Variants in EYS observed in about 807,000 individuals in gnomAD.
The protein encoded by EYS is EGF-like photoreceptor maintenance factor, also known as protein eyes shut homolog.
A neutral mutation model predicts 282.1 loss-of-function variants in EYS; 250 were observed. The observed-to-expected ratio is 0.89, with a 90% CI of 0.80 to 0.98. EYS has a LOEUF of 0.98. Among genes scored for constraint, EYS ranks in the 50% least tolerant of loss-of-function variants. The pLI is 0.00. For missense variants in EYS, 4,016 were observed against 3,709.0 expected (o/e 1.08, Z -2.15); for synonymous variants, 1,355 against 1,282.9 (o/e 1.06, Z -1.20).
At chr6:65,257,765 T>C (rs1178451439) in intron 12 of EYS, among the ~76,000 whole-genome samples, 2 of 152,020 alleles carry the variant, frequency 1.3e-5, no homozygotes, top group African/African-American at 4.8e-5. Context: ...ACTTCACATG[T>C]TCTCACTTAC....
intron 31 of EYS, among the ~76,000 whole-genome samples, chr6:64,222,912 C>G (rs541159132): frequency 6.6e-6 from 1 of 151,512 alleles, no homozygotes; most frequent in South Asian, 2.1e-4. Context: ...ATATTAAGTC[C>G]AAGAAAATTA....
At chr6:64,728,153 G>T (rs1481606303) in intron 22 of EYS, among the ~76,000 whole-genome samples, 1 of 152,060 alleles carries the variant, frequency 6.6e-6, no homozygotes, top group Non-Finnish European at 1.5e-5. Context: ...GCATTGGCAG[G>T]AGCAAAACTT....
chr6:64,262,963 T>G (rs1767637475), intron 30 of EYS, among the ~76,000 whole-genome samples: 1 of 152,084 alleles, frequency 6.6e-6, no homozygotes, highest in Non-Finnish European at 1.5e-5. Context: ...GCTAAAAGCA[T>G]GATTTTTGGA....
chr6:64,095,414 C>A (rs1326151050), intron 31 of EYS, among the ~76,000 whole-genome samples: 1 of 152,046 alleles, frequency 6.6e-6, no homozygotes, highest in Non-Finnish European at 1.5e-5. Context: ...TCTCTAAGGA[C>A]TTGCTTTATG....
intron 2 of EYS, among the ~76,000 whole-genome samples, chr6:65,629,008 T>G (rs990903583): frequency 6.6e-6 from 1 of 152,196 alleles, no homozygotes; most frequent in African/African-American, 2.4e-5. Flanking sequence ...AATTGAGAAA[T>G]GATTTGATCA....
chr6:65,035,880 G>T (rs74371378), intron 13 of EYS, among the ~76,000 whole-genome samples: 16,932 of 145,230 alleles, frequency 0.12, 1,256 homozygotes, highest in East Asian at 0.24. Flanking sequence ...TTAATAATTT[G>T]TTTGTAATAT....
intron 12 of EYS, among the ~76,000 whole-genome samples, chr6:65,125,247 A>G (rs1775685524): frequency 6.6e-6 from 1 of 152,176 alleles, no homozygotes; most frequent in Non-Finnish European, 1.5e-5. Context: ...AATGCTGTAC[A>G]TTTTATTTAC....
intron 26 of EYS, among the ~76,000 whole-genome samples, chr6:64,473,999 C>A (rs1006663143): frequency 6.6e-6 from 1 of 152,136 alleles, no homozygotes; most frequent in Non-Finnish European, 1.5e-5. Context: ...CTTAATTATG[C>A]TCATTAATTA....
intron 5 of EYS, among the ~76,000 whole-genome samples, chr6:65,443,649 G>C (rs201401904): frequency 1.4e-5 from 2 of 144,422 alleles, no homozygotes; most frequent in East Asian, 2.1e-4. Flanking sequence ...ACATATATGT[G>C]TCTATACACA....
intron 22 of EYS, among the ~76,000 whole-genome samples, chr6:64,677,578 A>G (rs1414993388): frequency 1.3e-5 from 2 of 152,164 alleles, no homozygotes; most frequent in African/African-American, 2.4e-5. Context: ...GATGACCTCC[A>G]TATCACTTTA....
chr6:63,756,205 C>T (rs190945007), intron 41 of EYS, among the ~76,000 whole-genome samples: 169 of 152,144 alleles, frequency 1.1e-3, no homozygotes, highest in Middle Eastern at 6.8e-3. Flanking sequence ...TGTCTTGTGC[C>T]GGTTTTCAAA....
At chr6:64,441,514 C>T (rs1327806697) in intron 26 of EYS, among the ~76,000 whole-genome samples, 1 of 152,148 alleles carries the variant, frequency 6.6e-6, no homozygotes, top group African/African-American at 2.4e-5. Context: ...AAAGGAATGG[C>T]TATCAAGAGG....
intron 35 of EYS, among the ~76,000 whole-genome samples, chr6:63,950,996 G>T (rs1364963971): frequency 6.6e-6 from 1 of 152,068 alleles, no homozygotes; most frequent in African/African-American, 2.4e-5. Flanking sequence ...CATTTCAGAG[G>T]TGTCTGATCA....
intron 5 of EYS, among the ~76,000 whole-genome samples, chr6:65,429,844 AC>A (rs1460871644): frequency 3.3e-5 from 5 of 152,208 alleles, no homozygotes; most frequent in East Asian, 1.9e-4. Flanking sequence ...GAGAAGAGAT[AC>A]TTTTAATTAT....
chr6:64,417,974 C>T (rs560738743), intron 28 of EYS, among the ~76,000 whole-genome samples: 13 of 152,232 alleles, frequency 8.5e-5, no homozygotes, highest in South Asian at 4.1e-4. Context: ...GCCTGGCCTA[C>T]GGTCTTGCTA....
intron 26 of EYS, among the ~76,000 whole-genome samples, chr6:64,541,724 T>C (rs966183329): frequency 1.3e-5 from 2 of 152,240 alleles, no homozygotes; most frequent in Admixed American, 1.3e-4. Context: ...ACCATGTGGC[T>C]TACTTCATCC....
intron 31 of EYS, among the ~76,000 whole-genome samples, chr6:64,128,601 A>G (rs771906066): frequency 2.9e-4 from 44 of 152,152 alleles, no homozygotes; most frequent in Non-Finnish European, 5.4e-4. Flanking sequence ...CTAAACTGCA[A>G]GAGAGAAATT....
At chr6:64,100,227 T>C (rs1028147962) in intron 31 of EYS, among the ~76,000 whole-genome samples, 16 of 152,310 alleles carry the variant, frequency 1.1e-4, no homozygotes, top group African/African-American at 3.4e-4. Context: ...ATTTGCTTTG[T>C]CTCTCTCTGC....
rs140766815 is a variant in EYS, at chr6:64,348,758, T to A, written c.6078+39932A>T. ...TTTTCAAAGTCACAAACCTAAGACATGACATGGCAGCACTAGACTCAATTT... is the reference window on the plus strand; with the variant it reads ...TTTTCAAAGTCACAAACCTAAGACAAGACATGGCAGCACTAGACTCAATTT... On this transcript the variant is annotated intron_variant, in intron 29 of 42. Transcript: ENST00000503581. Among the ~76,000 whole-genome samples the A allele has an allele frequency of 1.3e-3, 195 of 151,576 alleles. 2 individuals are homozygous for A. Among genetic ancestry groups the A allele is most frequent in the Non-Finnish European group, 2.5e-3 (170 of 67,604 alleles).
Sources: gnomAD v4.1 joint callset for allele counts (sites outside exome capture counted in the v4.1 genomes callset) on GRCh38, gnomAD v4.1.1 for gene constraint, MANE v1.5 for transcripts, NCBI Gene and HGNC (gene_info 2026-07-23, HGNC 2026-07-21) for gene names.